SH3RF2: variants seen among roughly 807,000 people sequenced by gnomAD.
The protein encoded by SH3RF2 is E3 ubiquitin-protein ligase SH3RF2.
A neutral mutation model predicts 59.0 loss-of-function variants in SH3RF2; 43 were observed. That is an observed-to-expected ratio of 0.73 (90% CI 0.57 to 0.94). The LOEUF is 0.94. Ranked by LOEUF, SH3RF2 falls within the 40% of genes least tolerant of loss-of-function variation. The pLI, the probability that SH3RF2 is intolerant of heterozygous loss-of-function variation, is 0.00. For synonymous variants in SH3RF2, 391 were observed against 391.5 expected (o/e 1.00, Z 0.01); for missense variants, 930 against 940.1 (o/e 0.99, Z 0.14).
At chr5:146,040,457 G>T (rs1268647518) in intron 5 of SH3RF2, among the ~76,000 whole-genome samples, 1 of 152,132 alleles carries the variant, frequency 6.6e-6, no homozygotes, top group Admixed American at 6.6e-5. Context: ...CCTGCTCAAA[G>T]AGCTAAGAAA....
intron 2 of SH3RF2, among the ~76,000 whole-genome samples, chr5:145,975,383 T>C (rs908038015): frequency 2.6e-5 from 4 of 152,158 alleles, no homozygotes; most frequent in South Asian, 4.1e-4. Context: ...TGGCCAAGTC[T>C]CTCATCTTAG....
chr5:146,062,910 A>C lies in SH3RF2; in HGVS notation c.*209A>C. On this transcript the variant is annotated 3_prime_UTR_variant, in exon 10 of 10. Transcript: ENST00000359120. Reference sequence around the variant, plus strand: ...GTGGCCTTCCAAACATACAAACATAATGATTTGATGCCACAAAGCTCGCTT... The same window carrying C: ...GTGGCCTTCCAAACATACAAACATACTGATTTGATGCCACAAAGCTCGCTT... 1.7e-5 allele frequency: 11 copies of C among 632,212 alleles called. No homozygotes were observed. Among genetic ancestry groups the C allele is most frequent in the East Asian group, 5.8e-5 (2 of 34,438 alleles). The allele number at this position is 632,212 out of a possible 1,614,324, so 39.2% of individuals were successfully genotyped here.
chr5:146,021,942 C>T (rs1761336931), intron 5 of SH3RF2, among the ~76,000 whole-genome samples: 1 of 152,224 alleles, frequency 6.6e-6, no homozygotes, highest in African/African-American at 2.4e-5. Context: ...ATATAAAGTG[C>T]TTGGCTACCA....
rs560004145 is a variant in SH3RF2, at chr5:145,955,134, C to T, written c.378+16828C>T. On this transcript the variant is annotated intron_variant, in intron 2 of 9. Transcript: ENST00000359120. ...ACAAATATACAAACTATATCAGTAACGAAGGGGGTTGGGTACTAGATGTAA... is the reference window on the plus strand; with the variant it reads ...ACAAATATACAAACTATATCAGTAATGAAGGGGGTTGGGTACTAGATGTAA... Among the ~76,000 whole-genome samples, 28 of 152,130 alleles carry T rather than the reference C, an allele frequency of 1.8e-4. No individual in the cohort carries two copies. The South Asian group carries it at 2.1e-3, about 11-fold the overall frequency.
chr5:146,026,227 G>A (rs1264435029), intron 5 of SH3RF2, among the ~76,000 whole-genome samples: 2 of 152,136 alleles, frequency 1.3e-5, no homozygotes, highest in East Asian at 3.8e-4. Context: ...ATAAACACAT[G>A]AATTATAATT....
chr5:146,002,279 C>T (rs1004712991), intron 3 of SH3RF2, among the ~76,000 whole-genome samples: 1 of 151,998 alleles, frequency 6.6e-6, no homozygotes, highest in Admixed American at 6.5e-5. Flanking sequence ...AGCGAAACCC[C>T]GACTCTACTA....
intron 7 of SH3RF2, 54 bp downstream of exon 7, chr5:146,049,299 G>A (rs755591628): frequency 2.6e-6 from 4 of 1,545,020 alleles, no homozygotes; most frequent in African/African-American, 2.7e-5. Context: ...TAGGCCAGGG[G>A]CCATCTGTGG....
chr5:146,043,403 G>T, intron 5 of SH3RF2, among the ~76,000 whole-genome samples: 1 of 152,198 alleles, frequency 6.6e-6, no homozygotes, highest in African/African-American at 2.4e-5. Context: ...CTCGAGCTGA[G>T]TCAAGCTAAG....
At chr5:146,027,303 G>A (rs1416469054) in intron 5 of SH3RF2, among the ~76,000 whole-genome samples, 5 of 152,220 alleles carry the variant, frequency 3.3e-5, no homozygotes, top group Non-Finnish European at 1.5e-5. Flanking sequence ...GACTGAGGCA[G>A]AGCCAGTCAT....
intron 5 of SH3RF2, among the ~76,000 whole-genome samples, chr5:146,015,516 G>A (rs1163545225): frequency 6.6e-6 from 1 of 152,046 alleles, no homozygotes; most frequent in Non-Finnish European, 1.5e-5. Flanking sequence ...TTAAGCCAAA[G>A]AGTCACAGAA....
At chr5:146,032,525 G>GA (rs965914478) in intron 5 of SH3RF2, among the ~76,000 whole-genome samples, 11 of 152,048 alleles carry the variant, frequency 7.2e-5, no homozygotes, top group African/African-American at 2.2e-4. Flanking sequence ...CAAAACTCTT[G>GA]AAAAAAAATG....
chr5:146,030,902 A>G lies in SH3RF2; in HGVS notation c.1059+16841A>G, dbSNP rs368934556. The stretch of plus-strand genomic sequence containing the variant: ...TTACATAACATCAATGGCTGCTTTC[A>G]CACTAGAAGGAAACAGTTAGGCAGT... On this transcript the variant is annotated intron_variant, in intron 5 of 9. Transcript: ENST00000359120. Among the ~76,000 whole-genome samples, 3 of 152,212 alleles carry G rather than the reference A, an allele frequency of 2.0e-5. No homozygotes were observed. In the East Asian group the frequency reaches 5.8e-4, roughly 29 times the overall value.
chr5:146,043,021 G>A (rs1762181289), intron 5 of SH3RF2: 1 of 152,218 alleles, frequency 6.6e-6, no homozygotes, highest in Non-Finnish European at 1.5e-5. Context: ...ACCAGGGCCA[G>A]GCCCATTCAT....
rs1581363873 is a variant in SH3RF2 at position 145,936,586 on chromosome 5, T to C, written c.-215T>C. The C allele has an allele frequency of 6.6e-6, 1 of 152,520 alleles. No individual in the cohort carries two copies. Among genetic ancestry groups the C allele is most frequent in the African/African-American group, 2.4e-5 (1 of 41,572 alleles). 9.4% of individuals were successfully genotyped at this position (152,520 alleles called of 1,614,324 possible). On this transcript the variant is annotated 5_prime_UTR_variant, in exon 1 of 10. Coordinates refer to ENST00000359120, the MANE Select transcript of SH3RF2 (RefSeq NM_152550.4). ...TGAGTGGTTAAAGTTTTCAAAGCGG[T>C]TGGCAGCAGCGGCGCTTGGAGGAAA...
rs1043909970 is a variant in SH3RF2, at chr5:146,018,902, T to C, written c.1059+4841T>C. On this transcript the variant is annotated intron_variant, in intron 5 of 9. Coordinates refer to ENST00000359120, the MANE Select transcript of SH3RF2 (RefSeq NM_152550.4). ...TAATTAGTGATATTGAGCATTTTTA[T>C]ATGTTTGTTGGCTGCTTATATATCT... Among the ~76,000 whole-genome samples the C allele has an allele frequency of 2.0e-5, 3 of 148,882 alleles. No individual in the cohort carries two copies. The Admixed American group carries it at 2.0e-4, about 10-fold the overall frequency.
At chr5:146,021,496 C>T (rs1226046519) in intron 5 of SH3RF2, among the ~76,000 whole-genome samples, 1 of 152,216 alleles carries the variant, frequency 6.6e-6, no homozygotes, top group South Asian at 2.1e-4. Flanking sequence ...CCTATCCCCT[C>T]CAATTGCTCT....
intron 2 of SH3RF2, among the ~76,000 whole-genome samples, chr5:145,965,018 C>A (rs752472726): frequency 6.6e-6 from 1 of 152,082 alleles, no homozygotes; most frequent in East Asian, 1.9e-4. Context: ...CACGGTGAAA[C>A]CCCGTCTCTA....
chr5:145,977,377 G>A (rs1363243892), intron 2 of SH3RF2, among the ~76,000 whole-genome samples: 1 of 152,154 alleles, frequency 6.6e-6, no homozygotes, highest in Non-Finnish European at 1.5e-5. Flanking sequence ...ATCACATACA[G>A]TAATAAAAGC....
chr5:146,008,253 A>C (rs1760726804), intron 4 of SH3RF2, among the ~76,000 whole-genome samples: 1 of 152,222 alleles, frequency 6.6e-6, no homozygotes, highest in South Asian at 2.1e-4. Context: ...ATTCTTCCCC[A>C]GCAGAGCTAT....
Sources: allele counts gnomAD v4.1 joint callset (sites outside exome capture counted in the v4.1 genomes callset), GRCh38; gene constraint gnomAD v4.1.1; transcripts MANE v1.5; gene names NCBI Gene and HGNC (gene_info 2026-07-23, HGNC 2026-07-21).